The following CACNA1E variants were observed in gnomAD, a reference collection of about 807,000 sequenced individuals.
The protein encoded by CACNA1E is voltage-dependent R-type calcium channel subunit alpha-1E.
Under a neutral mutation model 259.2 loss-of-function variants are expected in CACNA1E, and 40 were observed. The ratio of observed to expected loss-of-function variants is 0.15; its 90% CI spans 0.12 to 0.20. CACNA1E has a LOEUF of 0.20. Among genes scored for constraint, CACNA1E ranks in the 10% least tolerant of loss-of-function variants. The pLI is 1.00. For missense variants in CACNA1E, 1,874 were observed against 3,040.1 expected (o/e 0.62, Z 9.02); for synonymous variants, 1,104 against 1,138.5 (o/e 0.97, Z 0.61).
intron 1 of CACNA1E, among the ~76,000 whole-genome samples, chr1:181,335,766 T>C (rs907824201): frequency 2.0e-5 from 3 of 152,242 alleles, no homozygotes; most frequent in Admixed American, 1.3e-4. Flanking sequence ...ACCTGACATA[T>C]GGACACTTCA....
intron 1 of CACNA1E, among the ~76,000 whole-genome samples, chr1:181,325,931 C>T (rs1054626155): frequency 3.3e-5 from 5 of 152,194 alleles, no homozygotes; most frequent in Non-Finnish European, 5.9e-5. Context: ...GTGCCTGCCA[C>T]ACCAGGCAGG....
At chr1:181,487,434 G>A (rs1663931850) in intron 1 of CACNA1E, among the ~76,000 whole-genome samples, 2 of 152,164 alleles carry the variant, frequency 1.3e-5, no homozygotes, top group Admixed American at 1.3e-4. Flanking sequence ...AAAGATGGTG[G>A]CAAGTCAACA....
chr1:181,391,929 CTCTCTCTCTCTCTCTCTG>C (rs1416315952), intron 1 of CACNA1E, among the ~76,000 whole-genome samples: 1 of 58,282 alleles, frequency 1.7e-5, no homozygotes, highest in African/African-American at 5.7e-5. Flanking sequence ...CTCTCTGTCT[CTCTCTCTCTCTCTCTCTG>C]TGTGTGTGTG....
intron 6 of CACNA1E, among the ~76,000 whole-genome samples, chr1:181,627,061 C>G (rs1484368897): frequency 2.0e-5 from 3 of 152,078 alleles, no homozygotes; most frequent in African/African-American, 7.2e-5. Context: ...TTCTGTACTT[C>G]TAAATGTTCA....
chr1:181,522,976 C>A (rs1442299236), intron 3 of CACNA1E, among the ~76,000 whole-genome samples: 4 of 152,210 alleles, frequency 2.6e-5, no homozygotes, highest in African/African-American at 9.7e-5. Flanking sequence ...TCCCTGTTTT[C>A]ATTTTACATT....
At position 181,492,659 on chromosome 1, in the gene CACNA1E, T is replaced by G. The variant is rs539282025; in HGVS notation, c.266+8649T>G. The stretch of plus-strand genomic sequence containing the variant: ...TCACATCTAACTGGGTGTGTTTGTT[T>G]CTGTAGGCTAACACTGAAAATGAAC... On this transcript the variant is annotated intron_variant, in intron 1 of 47. Coordinates refer to ENST00000367573, the MANE Select transcript of CACNA1E (RefSeq NM_001205293.3). 4.5e-4 allele frequency among the ~76,000 whole-genome samples: 69 copies of G among 152,350 alleles called. 1 individual carries two copies. In the East Asian group the frequency reaches 0.012, roughly 27 times the overall value.
chr1:181,517,989 CCAGGCCAGTGA>C (rs2102658813), intron 3 of CACNA1E, among the ~76,000 whole-genome samples: 1 of 152,220 alleles, frequency 6.6e-6, no homozygotes, highest in African/African-American at 2.4e-5. Context: ...TATAGCATCA[CCAGGCCAGTGA>C]GCCTGGCGGG....
intron 1 of CACNA1E, among the ~76,000 whole-genome samples, chr1:181,369,087 T>C (rs1280513622): frequency 6.6e-6 from 1 of 152,232 alleles, no homozygotes; most frequent in African/African-American, 2.4e-5. Flanking sequence ...TAGACTCTTT[T>C]GTCTAAGCGA....
chr1:181,693,378 A>G (rs1259214725), intron 7 of CACNA1E, among the ~76,000 whole-genome samples: 1 of 152,218 alleles, frequency 6.6e-6, no homozygotes, highest in African/African-American at 2.4e-5. Context: ...AGCACTATTT[A>G]CAACAGCAAA....
intron 1 of CACNA1E, among the ~76,000 whole-genome samples, chr1:181,507,786 A>G (rs546564968): frequency 1.3e-5 from 2 of 152,278 alleles, no homozygotes; most frequent in South Asian, 4.2e-4. Flanking sequence ...TGAACGAGAA[A>G]GTACTTGTGC....
intron 2 of CACNA1E, among the ~76,000 whole-genome samples, chr1:181,437,563 A>T (rs1332765502): frequency 6.6e-6 from 1 of 152,164 alleles, no homozygotes; most frequent in Non-Finnish European, 1.5e-5. Context: ...TGATGCCCAC[A>T]TTCCTGAGTC....
At chr1:181,636,029 A>G (rs175338) in intron 6 of CACNA1E, among the ~76,000 whole-genome samples, 106,576 of 152,136 alleles carry the variant, frequency 0.7, 38,988 homozygotes, top group East Asian at 0.94. Context: ...CTCCTTGCTC[A>G]TGGCAAGTAA....
At chr1:181,370,183 C>T (rs904835981) in intron 1 of CACNA1E, among the ~76,000 whole-genome samples, 1 of 151,902 alleles carries the variant, frequency 6.6e-6, no homozygotes, top group African/African-American at 2.4e-5. Context: ...AACTTGGACA[C>T]TGTGTTAGTG....
At position 181,758,150 on chromosome 1, in the gene CACNA1E, C is replaced by T. The variant is rs374689629; in HGVS notation, c.4494+39C>T. 41 of 1,588,346 alleles carry T rather than the reference C, an allele frequency of 2.6e-5. No individual in the cohort carries two copies. Among genetic ancestry groups the T allele is most frequent in the African/African-American group, 1.2e-4 (9 of 74,472 alleles). ...GGCACAAGAGCCGACTGAGCCCCAG[C>T]GATGGTTCCCTCCCAGGGCAAGTGG... On this transcript the variant is annotated intron_variant, in intron 31 of 47. Transcript: ENST00000367573. The surrounding 1 kb of genome is among the most constrained non-coding windows in gnomAD (Gnocchi z 4.2).
intron 7 of CACNA1E, among the ~76,000 whole-genome samples, chr1:181,700,822 G>C (rs1652172940): frequency 6.6e-6 from 1 of 152,166 alleles, no homozygotes; most frequent in Non-Finnish European, 1.5e-5. Context: ...TCTGTGTATT[G>C]AGTCACGTTT....
intron 3 of CACNA1E, among the ~76,000 whole-genome samples, chr1:181,542,922 C>T (rs1393999666): frequency 6.0e-5 from 9 of 149,004 alleles, no homozygotes; most frequent in African/African-American, 2.2e-4. Context: ...TACTAGATCT[C>T]CTTCTTGGAA....
chr1:181,403,035 A>G (rs933648378), intron 1 of CACNA1E, among the ~76,000 whole-genome samples: 3 of 152,186 alleles, frequency 2.0e-5, no homozygotes, highest in African/African-American at 7.2e-5. Context: ...AACTAATACC[A>G]TTATTAGAGC....
chr1:181,564,270 C>T (rs1649603758), intron 3 of CACNA1E, among the ~76,000 whole-genome samples: 1 of 152,218 alleles, frequency 6.6e-6, no homozygotes, highest in Non-Finnish European at 1.5e-5. Context: ...CTCTCAAACT[C>T]TGCTGCTGCT....
intron 7 of CACNA1E, among the ~76,000 whole-genome samples, chr1:181,666,720 A>G (rs1443323401): frequency 6.7e-6 from 1 of 149,412 alleles, no homozygotes; most frequent in Non-Finnish European, 1.5e-5. Flanking sequence ...ATATATATAT[A>G]TACACACACA....
Sources: gnomAD v4.1 joint callset for allele counts (sites outside exome capture counted in the v4.1 genomes callset) on GRCh38, gnomAD v4.1.1 for gene constraint, Gnocchi (gnomAD v3.1) non-coding constraint, MANE v1.5 for transcripts, NCBI Gene and HGNC (gene_info 2026-07-23, HGNC 2026-07-21) for gene names.